The following NFX1 variants were observed in gnomAD, a reference collection of about 807,000 sequenced individuals.
The protein encoded by NFX1 is nuclear transcription factor, X-box binding 1.
A neutral mutation model predicts 137.2 loss-of-function variants in NFX1; 69 were observed. The observed-to-expected ratio is 0.50, with a 90% CI of 0.41 to 0.61. NFX1 has a LOEUF of 0.61. NFX1 is among the 20% of genes least tolerant of loss of function. The pLI is 0.00. For missense variants in NFX1, 1,167 were observed against 1,391.0 expected, an observed-to-expected ratio of 0.84 and a Z score of 2.56; for synonymous variants, 495 against 474.1, an observed-to-expected ratio of 1.04 and a Z score of -0.57.
At chr9:33,335,227 C>CTTTTTTTTTTTTTTTTTTT (rs57459026) in intron 11 of NFX1, among the ~76,000 whole-genome samples, 5 of 130,504 alleles carry the variant, frequency 3.8e-5, no homozygotes, top group African/African-American at 1.3e-4. Context: ...CTTTCTTTTT[C>CTTTTTTTTTTTTTTTTTTT]TTTTTTTTTT....
At chr9:33,309,304 C>T (rs1354358670) in intron 5 of NFX1, among the ~76,000 whole-genome samples, 3 of 151,796 alleles carry the variant, frequency 2.0e-5, no homozygotes, top group Non-Finnish European at 4.4e-5. Context: ...TTGCAGTGAG[C>T]CGAGATCATG....
Position 33,295,331 on chromosome 9 carries a change from G to C in NFX1, c.937G>C (p.Glu313Gln). 1.2e-6 allele frequency: 2 copies of C among 1,614,210 alleles called. No homozygotes were observed. Among genetic ancestry groups the C allele is most frequent in the Non-Finnish European group, 1.7e-6 (2 of 1,180,034 alleles). The change falls in exon 2 of 24, where the codon GAG becomes CAG. Residue 313 changes from glutamate (E) to glutamine (Q), a missense_variant. This residue lies in a region of NFX1 where 367 missense variants were observed against 386.7 expected (regional missense o/e 0.95). Transcript: ENST00000379540. ...INKSSRRVDQ[E>Q]KCTVRRQDPQ... ...CAAGTCTTCCAGGAGGGTTGACCAA[G>C]AGAAATGCACTGTACGGAGGCAGGA...
At chr9:33,306,305 G>T (rs570601348) in intron 4 of NFX1, among the ~76,000 whole-genome samples, 1 of 152,182 alleles carries the variant, frequency 6.6e-6, no homozygotes, top group Admixed American at 6.5e-5. Flanking sequence ...ACCCTGAAAA[G>T]GGAGGAGTTA....
At chr9:33,365,043 G>T in intron 21 of NFX1, 1 of 1,187,226 alleles carries the variant, frequency 8.4e-7, no homozygotes, top group South Asian at 1.9e-5. Flanking sequence ...GGAGGCCAAG[G>T]CAGGCAGATC....
chr9:33,333,281 A>T (rs1439076755), intron 11 of NFX1, among the ~76,000 whole-genome samples: 1 of 152,222 alleles, frequency 6.6e-6, no homozygotes, highest in East Asian at 1.9e-4. Flanking sequence ...TTGGTTAGGA[A>T]GCTTCTGGAT....
chr9:33,328,459 C>T (rs986311116), intron 9 of NFX1, 122 bp from the exon 10 acceptor site: 1 of 682,090 alleles, frequency 1.5e-6, no homozygotes, highest in African/African-American at 1.8e-5. Context: ...TGCATACTTC[C>T]CTCAACTCTG....
intron 12 of NFX1, among the ~76,000 whole-genome samples, chr9:33,342,355 A>G (rs1823258611): frequency 6.6e-6 from 1 of 152,008 alleles, no homozygotes; most frequent in Non-Finnish European, 1.5e-5. Flanking sequence ...CCAGCTACTC[A>G]GGAGGCTGAG....
chr9:33,324,788 G>A (rs1247556571), intron 9 of NFX1, among the ~76,000 whole-genome samples: 4 of 151,992 alleles, frequency 2.6e-5, no homozygotes, highest in African/African-American at 9.7e-5. Context: ...AATTAGCCAG[G>A]TGTGGTGGCG....
At chr9:33,304,495 T>C (rs1169775481) in intron 4 of NFX1, among the ~76,000 whole-genome samples, 1 of 152,206 alleles carries the variant, frequency 6.6e-6, no homozygotes, top group Non-Finnish European at 1.5e-5. Flanking sequence ...GCTAGCAGCT[T>C]TCACAAAGAG....
chr9:33,307,929 G>C (rs1313712108), intron 5 of NFX1, among the ~76,000 whole-genome samples: 1 of 151,326 alleles, frequency 6.6e-6, no homozygotes, highest in Non-Finnish European at 1.5e-5. Flanking sequence ...TCATCCTCCT[G>C]AGTAGCTGGG....
chr9:33,291,943 A>G (rs1282379356), intron 1 of NFX1, among the ~76,000 whole-genome samples: 1 of 151,978 alleles, frequency 6.6e-6, no homozygotes, highest in African/African-American at 2.4e-5. Flanking sequence ...GGTGTACCCT[A>G]GTCTTGATGT....
chr9:33,313,616 T>C, intron 6 of NFX1, 38 bp from the exon 7 acceptor site: 1 of 1,606,878 alleles, frequency 6.2e-7, no homozygotes, highest in Non-Finnish European at 8.5e-7. Flanking sequence ...ACAGGAACTT[T>C]TACACTGATG....
At chr9:33,333,535 T>G (rs1042648494) in intron 11 of NFX1, among the ~76,000 whole-genome samples, 2 of 152,216 alleles carry the variant, frequency 1.3e-5, no homozygotes, top group Admixed American at 6.5e-5. Flanking sequence ...GAAGAGAGTG[T>G]TGTTGTTCTC....
At position 33,343,966 on chromosome 9, in the gene NFX1, T is replaced by C. The variant is rs150828550; in HGVS notation, c.2225-103T>C. On this transcript the variant is annotated intron_variant, in intron 13 of 23. Transcript: ENST00000379540. ...AAAGTAGCACCCCCATAAATTCTCC[T>C]CTAAAAATACAAGCAAAAATGTGTG... 16 of 1,506,362 alleles carry C rather than the reference T, an allele frequency of 1.1e-5. No individual in the cohort carries two copies. The African/African-American group carries it at 1.8e-4, about 17-fold the overall frequency. 93.3% of individuals were successfully genotyped at this position (1,506,362 alleles called of 1,614,324 possible). A position where few individuals can be genotyped will look rare whatever the true frequency, so the allele number is the denominator to read the frequency against.
At chr9:33,352,858 A>G in intron 17 of NFX1, 139 bp downstream of exon 17, 1 of 665,944 alleles carries the variant, frequency 1.5e-6, no homozygotes, top group Non-Finnish European at 2.7e-6. Context: ...ATCAGTTGTA[A>G]ACACCACTGC....
At chr9:33,363,270 TA>T (rs1305239737) in intron 19 of NFX1, among the ~76,000 whole-genome samples, 2 of 93,734 alleles carry the variant, frequency 2.1e-5, no homozygotes, top group Non-Finnish European at 4.4e-5. Flanking sequence ...AATGTATTAT[TA>T]TTATTATTAT....
intron 11 of NFX1, 136 bp from the exon 12 acceptor site, chr9:33,338,371 CAAA>C (rs933963290): frequency 3.9e-6 from 3 of 776,234 alleles, no homozygotes; most frequent in Non-Finnish European, 6.1e-6. Context: ...CAAAACAAAA[CAAA>C]AAAAACTGCA....
At chr9:33,368,730 C>G (rs1372344213) in intron 23 of NFX1, among the ~76,000 whole-genome samples, 2 of 152,172 alleles carry the variant, frequency 1.3e-5, no homozygotes, top group Non-Finnish European at 2.9e-5. Context: ...CTCTGTGATT[C>G]CTGCACAAAA....
intron 6 of NFX1, among the ~76,000 whole-genome samples, chr9:33,311,737 G>A (rs1564110964): frequency 6.6e-6 from 1 of 152,130 alleles, no homozygotes; most frequent in Non-Finnish European, 1.5e-5. Context: ...ATTTTTAGTA[G>A]AGATGGGATT....
Sources: gnomAD v4.1 joint callset for allele counts (sites outside exome capture counted in the v4.1 genomes callset) on GRCh38, gnomAD v4.1.1 for gene constraint, gnomAD v4.1.1 regional missense constraint, MANE v1.5 for transcripts, NCBI Gene and HGNC (gene_info 2026-07-23, HGNC 2026-07-21) for gene names.